SDK2: variants seen among roughly 807,000 people sequenced by gnomAD.
The protein encoded by SDK2 is protein sidekick-2.
In SDK2, 105 loss-of-function variants were observed where a neutral mutation model predicts 253.9. The ratio of observed to expected loss-of-function variants is 0.41; its 90% confidence interval spans 0.35 to 0.49. The LOEUF is 0.49. SDK2 is among the 20% of genes least tolerant of loss of function. The pLI is 0.06. For missense variants in SDK2, 2,608 were observed against 3,003.0 expected (o/e 0.87, Z 3.07); for synonymous variants, 1,249 against 1,234.9 (o/e 1.01, Z -0.24).
intron 2 of SDK2, among the ~76,000 whole-genome samples, chr17:73,498,207 G>A (rs575255282): frequency 5.3e-5 from 8 of 152,240 alleles, no homozygotes; most frequent in East Asian, 3.9e-4. Context: ...GGATGCTGGC[G>A]TCTCCTGACA....
At chr17:73,580,649 A>G (rs986360512) in intron 1 of SDK2, among the ~76,000 whole-genome samples, 2 of 152,256 alleles carry the variant, frequency 1.3e-5, no homozygotes, top group African/African-American at 4.8e-5. Flanking sequence ...TTGTAAGTGA[A>G]GTGGAACAAT....
intron 1 of SDK2, among the ~76,000 whole-genome samples, chr17:73,508,662 T>C (rs1422927776): frequency 6.6e-6 from 1 of 152,082 alleles, no homozygotes; most frequent in Non-Finnish European, 1.5e-5. Context: ...AGGATTACAA[T>C]CTACATTTTG....
intron 1 of SDK2, among the ~76,000 whole-genome samples, chr17:73,608,717 A>AAG (rs2045937708): frequency 6.6e-6 from 1 of 152,174 alleles, no homozygotes; most frequent in South Asian, 2.1e-4. Context: ...TGCTGGGATT[A>AAG]TAGGTGTGAG....
intron 38 of SDK2, among the ~76,000 whole-genome samples, chr17:73,364,272 C>T (rs542631695): frequency 3.7e-4 from 57 of 152,280 alleles, no homozygotes; most frequent in Non-Finnish European, 7.2e-4. Flanking sequence ...TCAGGGGCTG[C>T]GCAGCCCAGC....
intron 1 of SDK2, among the ~76,000 whole-genome samples, chr17:73,602,613 C>T (rs566985000): frequency 7.9e-5 from 12 of 151,596 alleles, no homozygotes; most frequent in African/African-American, 2.7e-4. Context: ...TTCCCATTCT[C>T]AGTCTCTTAA....
At chr17:73,429,722 G>A (rs2063311304) in intron 12 of SDK2, among the ~76,000 whole-genome samples, 1 of 152,250 alleles carries the variant, frequency 6.6e-6, no homozygotes, top group Admixed American at 6.5e-5. Flanking sequence ...TTCTAAGGAA[G>A]CAGTTGCATT....
chr17:73,355,172 A>AT (rs1450719562), intron 40 of SDK2, among the ~76,000 whole-genome samples: 1 of 23,322 alleles, frequency 4.3e-5, no homozygotes, highest in Non-Finnish European at 7.1e-5. Flanking sequence ...ATATATATAT[A>AT]TATTTTTTTT....
chr17:73,626,005 GA>G (rs1314415030), intron 1 of SDK2, among the ~76,000 whole-genome samples: 5 of 152,194 alleles, frequency 3.3e-5, no homozygotes, highest in African/African-American at 1.2e-4. Flanking sequence ...GTGGGTTAGA[GA>G]ACACGTCAGG....
At chr17:73,486,389 G>A (rs1221466297) in intron 2 of SDK2, among the ~76,000 whole-genome samples, 2 of 152,082 alleles carry the variant, frequency 1.3e-5, no homozygotes, top group African/African-American at 4.8e-5. Flanking sequence ...CAGGGGGACG[G>A]CTTGAGGCCA....
At chr17:73,384,445 GT>G (rs2062856292) in intron 32 of SDK2, among the ~76,000 whole-genome samples, 1 of 152,182 alleles carries the variant, frequency 6.6e-6, no homozygotes, top group Non-Finnish European at 1.5e-5. Flanking sequence ...ACTTCCTGGT[GT>G]TTCCTGCAAG....
Position 73,399,243 on chromosome 17 carries a change from G to C in SDK2, c.3018C>G (p.Pro1006=), listed in dbSNP as rs577335730. Residue 1006 remains proline, a synonymous_variant, in exon 22 of 45, where the codon CCC becomes CCG. Coordinates refer to ENST00000392650, the MANE Select transcript of SDK2 (RefSeq NM_001144952.2). ...GCCTGAACTGCAAGGTCACAGAGCG[G>C]GGGCCGATGTTGGAAATGCCCAGGT... ...PTNLGISNIG[P]RSVTLQFRPG... is the part of the protein sequence containing the mutation. The C allele has an allele frequency of 3.2e-5, 52 of 1,613,918 alleles. No individual in the cohort carries two copies. Among genetic ancestry groups the C allele is most frequent in the Non-Finnish European group, 4.4e-5 (52 of 1,179,828 alleles).
rs934641238 is a variant in SDK2 at position 73,496,840 on chromosome 17, C to T, written c.224+10598G>A. On this transcript the variant is annotated intron_variant, in intron 2 of 44. Coordinates refer to ENST00000392650, the MANE Select transcript of SDK2 (RefSeq NM_001144952.2). The surrounding 1 kb of genome is among the most constrained non-coding windows in gnomAD (Gnocchi z 4.7). Reference sequence around the variant, plus strand: ...ACTCCTCAACTTGCCCCATCCTCCCCCTCCTGAAGGTCACCAGACTTCTAT... The same window carrying T: ...ACTCCTCAACTTGCCCCATCCTCCCTCTCCTGAAGGTCACCAGACTTCTAT... Among the ~76,000 whole-genome samples, 8 of 152,180 alleles carry T rather than the reference C, an allele frequency of 5.3e-5. No individual in the cohort carries two copies. The highest frequency in any genetic ancestry group is 1.0e-4 in the Non-Finnish European group (7 of 68,038).
In SDK2 at chr17:73,401,126, G is replaced by T; in HGVS notation, c.2865C>A (p.Val955=). ...AGGTGGTGAGCGCGGTGAGGCCCGT[G>T]ACACGGTACTCCAGGGTCACGTTGG... ...YLPNVTLEYR[V]TGLTALTTYT... The change falls in exon 21 of 45, where the codon GTC becomes GTA. Residue 955 remains valine (V), a synonymous_variant. Transcript: ENST00000392650. 1 of 1,562,630 alleles carries T rather than the reference G, an allele frequency of 6.4e-7. No individual in the cohort carries two copies. Among genetic ancestry groups the T allele is most frequent in the East Asian group, 2.4e-5 (1 of 41,838 alleles).
chr17:73,484,669 A>T (rs949674254), intron 2 of SDK2, among the ~76,000 whole-genome samples: 33 of 152,330 alleles, frequency 2.2e-4, no homozygotes, highest in African/African-American at 7.9e-4. Flanking sequence ...GCTCAGCAGC[A>T]CCATGCCCTG....
intron 30 of SDK2, among the ~76,000 whole-genome samples, chr17:73,387,106 ATGTGC>A (rs1356759377): frequency 2.0e-5 from 3 of 152,212 alleles, no homozygotes; most frequent in African/African-American, 7.2e-5. Flanking sequence ...GATTACAGGC[ATGTGC>A]TACCACACCT....
chr17:73,561,864 G>A (rs1021367472), intron 1 of SDK2, among the ~76,000 whole-genome samples: 6 of 152,212 alleles, frequency 3.9e-5, no homozygotes, highest in Non-Finnish European at 8.8e-5. Flanking sequence ...AGTGGCTCAC[G>A]CCTGTAATCC....
Position 73,350,286 on chromosome 17 carries a change from G to T in SDK2, c.5989C>A (p.Arg1997=), listed in dbSNP as rs369870973. ...SFPALELNNR[R]LSVKNSFCRK... is the part of the protein sequence containing the mutation. ...CAGAAAGAGTTCTTGACGGAGAGCC[G>T]CCTGTTGTTGAGTTCCAGGGCAGGG... Residue 1997 remains arginine, a synonymous_variant, in exon 43 of 45, where the codon CGG becomes AGG. Coordinates refer to ENST00000392650, the MANE Select transcript of SDK2 (RefSeq NM_001144952.2). 2 of 1,601,894 alleles carry T rather than the reference G, an allele frequency of 1.2e-6. No homozygotes were observed. The highest frequency in any genetic ancestry group is 1.7e-6 in the Non-Finnish European group (2 of 1,175,206).
At position 73,435,662 on chromosome 17, in the gene SDK2, G is replaced by C; in HGVS notation, c.1001-18C>G. On this transcript the variant is annotated intron_variant, in intron 8 of 44. Coordinates refer to ENST00000392650, the MANE Select transcript of SDK2 (RefSeq NM_001144952.2). The surrounding 1 kb of genome is among the most constrained non-coding windows in gnomAD (Gnocchi z 5.7). ...CGGCACACCTGTGGGCAAGACGTGG[G>C]CCCACCGTCAACCTGCCTCCTGCCT... 1 of 1,531,062 alleles carries C rather than the reference G, an allele frequency of 6.5e-7. No homozygotes were observed. The highest frequency in any genetic ancestry group is 8.8e-7 in the Non-Finnish European group (1 of 1,134,804). 94.8% of individuals were successfully genotyped at this position (1,531,062 alleles called of 1,614,324 possible).
intron 1 of SDK2, among the ~76,000 whole-genome samples, chr17:73,544,423 TCACCGTCAAAGTCTG>T (rs2145826204): frequency 6.6e-6 from 1 of 152,328 alleles, no homozygotes; most frequent in South Asian, 2.1e-4. Flanking sequence ...GATCTTTGTG[TCACCGTCAAAGTCTG>T]CAATGGGATC....
Sources: gnomAD v4.1 joint callset for allele counts (sites outside exome capture counted in the v4.1 genomes callset) on GRCh38, gnomAD v4.1.1 for gene constraint, Gnocchi (gnomAD v3.1) non-coding constraint, MANE v1.5 for transcripts, NCBI Gene and HGNC (gene_info 2026-07-23, HGNC 2026-07-21) for gene names.